Variants in RICTOR observed in about 807,000 individuals in gnomAD.
The protein encoded by RICTOR is rapamycin-insensitive companion of mTOR.
RICTOR carries 49 observed loss-of-function variants against 214.9 expected under a neutral mutation model. The observed-to-expected ratio is 0.23, with a 90% CI of 0.18 to 0.29. RICTOR has a LOEUF of 0.29. RICTOR is among the 10% of genes least tolerant of loss of function. The pLI, the probability that RICTOR is intolerant of heterozygous loss-of-function variation, is 1.00. For synonymous variants in RICTOR, 717 were observed against 711.3 expected, an observed-to-expected ratio of 1.01 and a Z score of -0.13; for missense variants, 1,625 against 2,047.0, an observed-to-expected ratio of 0.79 and a Z score of 3.98.
Position 38,942,320 on chromosome 5 carries a change from G to A in RICTOR, c.5111C>T (p.Thr1704Ile), listed in dbSNP as rs1747655363. 5.0e-6 allele frequency: 8 copies of A among 1,594,042 alleles called. No individual in the cohort carries two copies. The highest frequency in any genetic ancestry group is 3.4e-5 in the South Asian group (3 of 88,338). Reference protein sequence around the residue: ...ATPPKQPIVDTSAES With the variant: ...ATPPKQPIVDISAES The stretch of plus-strand genomic sequence containing the variant: ...AATATGAGGTCAGGATTCAGCAGAT[G>A]TATCAACTATAGGTTGCTTTGGTGG... Residue 1704 changes from threonine (T) to isoleucine (I), a missense_variant, in exon 38 of 38, where the codon ACA (threonine) becomes ATA (isoleucine). This residue lies in a region of RICTOR where 38 missense variants were observed against 34.8 expected (regional missense o/e 1.09). Transcript: ENST00000357387.
chr5:38,999,251 T>C (rs1327885178), intron 5 of RICTOR, among the ~76,000 whole-genome samples: 1 of 151,408 alleles, frequency 6.6e-6, no homozygotes, highest in Non-Finnish European at 1.5e-5. Flanking sequence ...AACATGTGTA[T>C]AGATGGAGTA....
chr5:38,955,193 G>A (rs372915638), intron 26 of RICTOR, among the ~76,000 whole-genome samples: 7 of 151,940 alleles, frequency 4.6e-5, no homozygotes, highest in Non-Finnish European at 1.0e-4. Flanking sequence ...TGTATAAGGC[G>A]TATATGAAAC....
chr5:38,960,337 A>T, intron 20 of RICTOR, 61 bp downstream of exon 20: 1 of 1,494,638 alleles, frequency 6.7e-7, no homozygotes, highest in Non-Finnish European at 9.2e-7. Context: ...AAACAGAGGG[A>T]GGGTAAGGGA....
At chr5:39,032,205 G>T (rs970125361) in intron 2 of RICTOR, among the ~76,000 whole-genome samples, 2 of 152,070 alleles carry the variant, frequency 1.3e-5, no homozygotes, top group African/African-American at 4.8e-5. Flanking sequence ...CTGCCCCTTT[G>T]TAATTTTTGT....
chr5:39,070,931 T>A (rs570070068), intron 2 of RICTOR, among the ~76,000 whole-genome samples: 2 of 152,220 alleles, frequency 1.3e-5, no homozygotes, highest in Non-Finnish European at 2.9e-5. Flanking sequence ...TAAGTAGTTG[T>A]CTGAACAAAA....
Position 39,073,445 on chromosome 5 carries a change from G to C in RICTOR, c.97+666C>G, listed in dbSNP as rs369338659. On this transcript the variant is annotated intron_variant, in intron 2 of 37. Coordinates refer to ENST00000357387, the MANE Select transcript of RICTOR (RefSeq NM_152756.5). ...AAACAAACCCATCTCCACTGCAGAAGGTAAACAATGAACCTGCAGCAGGGT... is the reference window on the plus strand; with the variant it reads ...AAACAAACCCATCTCCACTGCAGAACGTAAACAATGAACCTGCAGCAGGGT... 7.0e-4 allele frequency among the ~76,000 whole-genome samples: 106 copies of C among 152,322 alleles called. 1 individual carries two copies. The South Asian group carries it at 0.021, about 31-fold the overall frequency.
chr5:38,959,756 C>T (rs766128030), intron 21 of RICTOR, 23 bp downstream of exon 21: 1 of 1,531,990 alleles, frequency 6.5e-7, no homozygotes, highest in South Asian at 1.1e-5. Context: ...GTATATATTG[C>T]AACAAAATCT....
rs111799403 is a variant in RICTOR, at chr5:38,972,129, T to A, written c.890-170A>T. 5.2e-4 allele frequency among the ~76,000 whole-genome samples: 79 copies of A among 152,362 alleles called. 1 individual carries two copies. The highest frequency in any genetic ancestry group is 1.8e-3 in the African/African-American group (76 of 41,592). ...TAACTGAAATATATTTGAAGCATAC[T>A]CTGTATTTCTCTATTGATTAGAGAT... On this transcript the variant is annotated intron_variant, in intron 10 of 37. Coordinates refer to ENST00000357387, the MANE Select transcript of RICTOR (RefSeq NM_152756.5).
intron 2 of RICTOR, among the ~76,000 whole-genome samples, chr5:39,065,279 G>T (rs958065993): frequency 3.3e-5 from 5 of 152,120 alleles, no homozygotes; most frequent in African/African-American, 1.2e-4. Context: ...AGGAGCCACA[G>T]GCTTTTAAAT....
intron 2 of RICTOR, among the ~76,000 whole-genome samples, chr5:39,040,824 G>T (rs976772427): frequency 1.3e-5 from 2 of 152,052 alleles, no homozygotes; most frequent in Admixed American, 6.6e-5. Flanking sequence ...CTCCTCATCT[G>T]CCATATACTG....
In RICTOR at chr5:39,037,960, C is replaced by G. The variant is rs558589277; in HGVS notation, c.98-16824G>C. ...TAGAAAAAGAGGGAATCCTCCCTAA[C>G]TCATTTTATGAGGCCAGCATCATCC... On this transcript the variant is annotated intron_variant, in intron 2 of 37. Transcript: ENST00000357387. Among the ~76,000 whole-genome samples the G allele has an allele frequency of 3.3e-5, 5 of 152,326 alleles. No individual in the cohort carries two copies. In the South Asian group the frequency reaches 1.0e-3, roughly 32 times the overall value.
rs68031684 is a variant in RICTOR at position 38,940,143 on chromosome 5, C to CA, written c.*2160dup. 608 of 182,156 alleles carry CA rather than the reference C, an allele frequency of 3.3e-3. 1 individual carries two copies. Among genetic ancestry groups the CA allele is most frequent in the Middle Eastern group, 5.3e-3 (3 of 566 alleles). 11.3% of individuals were successfully genotyped at this position (182,156 alleles called of 1,614,324 possible). A position where few individuals can be genotyped will look rare whatever the true frequency, so the allele number is the denominator to read the frequency against. Reference sequence around the variant, plus strand: ...TCAAAGTAACAGTAAAAAAAAAAAACAAAAAAAAAAACACAAAACATTCAG... The same window carrying CA: ...TCAAAGTAACAGTAAAAAAAAAAAACAAAAAAAAAAAACACAAAACATTCAG... On this transcript the variant is annotated 3_prime_UTR_variant, in exon 38 of 38. Transcript: ENST00000357387.
intron 2 of RICTOR, among the ~76,000 whole-genome samples, chr5:39,069,132 T>C (rs1027399731): frequency 1.3e-5 from 2 of 152,208 alleles, no homozygotes; most frequent in African/African-American, 4.8e-5. Context: ...AAAATGCCCA[T>C]AAATTTTGCA....
chr5:38,964,325 C>A (rs996349796), intron 16 of RICTOR, among the ~76,000 whole-genome samples: 1 of 151,828 alleles, frequency 6.6e-6, no homozygotes, highest in Non-Finnish European at 1.5e-5. Context: ...TCTATGTTTG[C>A]AGTATCTCCT....
chr5:39,041,661 C>T (rs1757178432), intron 2 of RICTOR, among the ~76,000 whole-genome samples: 1 of 152,080 alleles, frequency 6.6e-6, no homozygotes, highest in South Asian at 2.1e-4. Context: ...ATGTATGATT[C>T]TATTCACTAA....
intron 7 of RICTOR, among the ~76,000 whole-genome samples, chr5:38,984,255 C>A (rs1175779998): frequency 6.6e-6 from 1 of 152,026 alleles, no homozygotes; most frequent in South Asian, 2.1e-4. Context: ...ATTTATTAAT[C>A]TTTTGTATTT....
intron 5 of RICTOR, among the ~76,000 whole-genome samples, chr5:39,001,418 C>T (rs539290453): frequency 9.3e-4 from 142 of 152,128 alleles, no homozygotes; most frequent in African/African-American, 3.3e-3. Flanking sequence ...TATCTCATAT[C>T]TTACACAACC....
chr5:38,986,246 C>T (rs538844905), intron 7 of RICTOR, among the ~76,000 whole-genome samples: 17 of 152,258 alleles, frequency 1.1e-4, no homozygotes, highest in Admixed American at 2.6e-4. Flanking sequence ...CCTGCTGCTA[C>T]GTAAGACATG....
rs1237131330 is a variant in RICTOR at position 38,959,981 on chromosome 5, A to G, written c.1852-3T>C. 8 of 1,570,968 alleles carry G rather than the reference A, an allele frequency of 5.1e-6. No homozygotes were observed. Among genetic ancestry groups the G allele is most frequent in the Non-Finnish European group, 8.8e-7 (1 of 1,141,532 alleles). ...TCTTCTAAGTAGCCTTGCCCATCCT[A>G]AAAGTAAATACATTGTGATATTGTG... On this transcript the variant is annotated splice_region_variant and splice_polypyrimidine_tract_variant and intron_variant, in intron 20 of 37. Coordinates refer to ENST00000357387, the MANE Select transcript of RICTOR (RefSeq NM_152756.5).
Sources: allele counts gnomAD v4.1 joint callset (sites outside exome capture counted in the v4.1 genomes callset), GRCh38; gene constraint gnomAD v4.1.1; regional missense constraint gnomAD v4.1.1; transcripts MANE v1.5; gene names NCBI Gene and HGNC (gene_info 2026-07-23, HGNC 2026-07-21).